SLC12A1: variants seen among roughly 807,000 people sequenced by gnomAD.
The protein encoded by SLC12A1 is solute carrier family 12 member 1.
In SLC12A1, 89 loss-of-function variants were observed where a neutral mutation model predicts 130.4. That is an observed-to-expected ratio of 0.68 (90% CI 0.58 to 0.81). SLC12A1 has a LOEUF of 0.81. Ranked by LOEUF, SLC12A1 falls within the 40% of genes least tolerant of loss-of-function variation. SLC12A1 has a pLI of 0.00. For missense variants in SLC12A1, 1,310 were observed against 1,336.4 expected (o/e 0.98, Z 0.31); for synonymous variants, 499 against 460.0 (o/e 1.08, Z -1.09).
At chr15:48,242,608 G>A (rs560073737) in intron 10 of SLC12A1, among the ~76,000 whole-genome samples, 1 of 152,134 alleles carries the variant, frequency 6.6e-6, no homozygotes, top group Non-Finnish European at 1.5e-5. Flanking sequence ...TTCAAGACTA[G>A]CTGGGAAAAC....
chr15:48,274,522 G>T, intron 19 of SLC12A1, 49 bp from the exon 20 acceptor site: 2 of 1,203,558 alleles, frequency 1.7e-6, no homozygotes, highest in South Asian at 2.5e-5. Context: ...CAAAGCTTGA[G>T]GATTAAAAGA....
intron 9 of SLC12A1, chr15:48,237,100 A>G (rs932153635): frequency 7.3e-6 from 5 of 687,666 alleles, no homozygotes; most frequent in African/African-American, 7.1e-5. Flanking sequence ...AGTGCAAAGG[A>G]AAGAGGAAGC....
intron 19 of SLC12A1, among the ~76,000 whole-genome samples, chr15:48,273,032 G>T (rs2041914166): frequency 6.7e-6 from 1 of 150,300 alleles, no homozygotes; most frequent in African/African-American, 2.5e-5. Flanking sequence ...TTGAACCTGG[G>T]AGACGGAGGT....
At chr15:48,268,248 T>C (rs948979597) in intron 18 of SLC12A1, among the ~76,000 whole-genome samples, 10 of 152,174 alleles carry the variant, frequency 6.6e-5, no homozygotes, top group African/African-American at 2.4e-4. Flanking sequence ...TCACATCTTT[T>C]TTCCCTTATT....
At chr15:48,215,454 G>T (rs762174638) in intron 2 of SLC12A1, among the ~76,000 whole-genome samples, 4 of 152,122 alleles carry the variant, frequency 2.6e-5, no homozygotes, top group African/African-American at 4.8e-5. Context: ...ATTTATAAAA[G>T]GTTATGGGTC....
rs989303413 is a variant in SLC12A1 at position 48,211,620 on chromosome 15, GTAAC to G, written c.420+3484_420+3487del. 2.7e-4 allele frequency among the ~76,000 whole-genome samples: 41 copies of G among 152,270 alleles called. 1 individual carries two copies. Among genetic ancestry groups the G allele is most frequent in the African/African-American group, 9.1e-4 (38 of 41,564 alleles). On this transcript the variant is annotated intron_variant, in intron 2 of 26. Coordinates refer to ENST00000380993, the MANE Select transcript of SLC12A1 (RefSeq NM_000338.3). Reference sequence around the variant, plus strand: ...CAGTACAAGCTAGACAATACTTTTTGTAACTATGATTAGAATGCTTTTAAAAGTT... The same window carrying G: ...CAGTACAAGCTAGACAATACTTTTTGTATGATTAGAATGCTTTTAAAAGTT...
intron 19 of SLC12A1, among the ~76,000 whole-genome samples, chr15:48,274,329 T>C (rs1157984126): frequency 6.6e-6 from 1 of 152,244 alleles, no homozygotes; most frequent in Non-Finnish European, 1.5e-5. Flanking sequence ...TTCTGATTTA[T>C]AGTATTATTT....
At chr15:48,225,334 G>A (rs901456815) in intron 4 of SLC12A1, 1 of 152,164 alleles carries the variant, frequency 6.6e-6, no homozygotes. Context: ...TACATAAAAA[G>A]ATAGTAACCT....
At position 48,232,735 on chromosome 15, in the gene SLC12A1, C is replaced by A. The variant is rs751704511; in HGVS notation, c.984C>A (p.Val328=). The A allele has an allele frequency of 2.5e-6, 4 of 1,601,660 alleles. No individual in the cohort carries two copies. The Admixed American group carries it at 6.7e-5, about 27-fold the overall frequency. ...AGMEWEAKAQ[V]ILLVILLIAI... ...TTACCTTTCCATTCCAGGCCCAAGT[C>A]ATTCTTCTGGTCATTCTTCTAATTG... Residue 328 remains valine, a synonymous_variant, in exon 8 of 27, where the codon GTC becomes GTA. Transcript: ENST00000380993.
At chr15:48,270,783 T>C (rs865969712) in intron 19 of SLC12A1, among the ~76,000 whole-genome samples, 1 of 3,214 alleles carries the variant, frequency 3.1e-4, no homozygotes, top group Non-Finnish European at 3.1e-3. Context: ...TATATATATA[T>C]ATACACACAC....
chr15:48,238,369 G>T (rs1320198906), intron 9 of SLC12A1, among the ~76,000 whole-genome samples: 1 of 152,202 alleles, frequency 6.6e-6, no homozygotes, highest in Non-Finnish European at 1.5e-5. Context: ...TGACATGGAT[G>T]AGTTAATGCA....
chr15:48,228,082 G>T (rs1454773092), intron 5 of SLC12A1: 1 of 152,242 alleles, frequency 6.6e-6, no homozygotes. Flanking sequence ...ATGTTGGTTT[G>T]TCATTGCTGT....
At chr15:48,224,904 C>T (rs909089034) in intron 4 of SLC12A1, 3 of 152,168 alleles carry the variant, frequency 2.0e-5, no homozygotes, top group African/African-American at 7.2e-5. Context: ...CTTTCTCCCT[C>T]TCTTTATAAT....
intron 15 of SLC12A1, 76 bp from the exon 16 acceptor site, chr15:48,255,735 A>G: frequency 3.4e-6 from 3 of 894,628 alleles, no homozygotes; most frequent in Non-Finnish European, 5.2e-6. Context: ...ATAGAAGGGA[A>G]TGACTTGTAA....
rs778076588 is a variant in SLC12A1 at position 48,220,721 on chromosome 15, G to A, written c.508G>A (p.Asp170Asn). The A allele has an allele frequency of 1.4e-5, 23 of 1,613,886 alleles. No individual in the cohort carries two copies. The highest frequency in any genetic ancestry group is 1.9e-5 in the Non-Finnish European group (23 of 1,179,858). Residue 170 changes from aspartate to asparagine, a missense_variant, in exon 3 of 27, where the codon GAT (aspartate) becomes AAT (asparagine). Coordinates refer to ENST00000380993, the MANE Select transcript of SLC12A1 (RefSeq NM_000338.3). ...GDEQAENKEDDQAGVVKFGWV... is the reference protein window; with the variant it reads ...GDEQAENKEDNQAGVVKFGWV... ...TGAACAAGCTGAAAATAAGGAAGAT[G>A]ATCAAGCTGGTGTTGTGAAGTTTGG... is the stretch of plus-strand genomic sequence containing the variant.
intron 1 of SLC12A1, among the ~76,000 whole-genome samples, chr15:48,207,054 G>A (rs1269772531): frequency 2.6e-5 from 4 of 152,070 alleles, no homozygotes; most frequent in African/African-American, 9.7e-5. Flanking sequence ...AGTTGAACAT[G>A]TACAGATTTT....
chr15:48,229,126 C>T (rs1189632433), intron 5 of SLC12A1, 63 bp from the exon 6 acceptor site: 3 of 1,491,684 alleles, frequency 2.0e-6, no homozygotes, highest in Non-Finnish European at 1.8e-6. Flanking sequence ...CAGATAGTCA[C>T]AATCGTTTGG....
At chr15:48,241,693 T>G in intron 10 of SLC12A1, 94 bp downstream of exon 10, 1 of 870,130 alleles carries the variant, frequency 1.1e-6, no homozygotes, top group Non-Finnish European at 1.9e-6. Context: ...AAATACAGAG[T>G]TTTTTAAAAG....
In SLC12A1 at chr15:48,207,846, C is replaced by G. The variant is rs979590503; in HGVS notation, c.127C>G (p.Pro43Ala). The G allele has an allele frequency of 1.2e-5, 20 of 1,613,956 alleles. No individual in the cohort carries two copies. The highest frequency in any genetic ancestry group is 1.7e-5 in the Non-Finnish European group (20 of 1,179,888). ...AGCTGCAGATGACAATACTGACCCACCACATTATGAAGAAACCTCTTTTGG... is the reference window on the plus strand; with the variant it reads ...AGCTGCAGATGACAATACTGACCCAGCACATTATGAAGAAACCTCTTTTGG... Reference protein sequence around the residue: ...SAAADDNTDPPHYEETSFGDE... With the variant: ...SAAADDNTDPAHYEETSFGDE... Residue 43 changes from proline to alanine, a missense_variant, in exon 2 of 27, where the codon CCA becomes GCA. Coordinates refer to ENST00000380993, the MANE Select transcript of SLC12A1 (RefSeq NM_000338.3).
Sources: allele counts gnomAD v4.1 joint callset (sites outside exome capture counted in the v4.1 genomes callset), GRCh38; gene constraint gnomAD v4.1.1; transcripts MANE v1.5; gene names NCBI Gene and HGNC (gene_info 2026-07-23, HGNC 2026-07-21).